The following ATP8B3 variants were observed in gnomAD, a reference collection of about 807,000 sequenced individuals.
ATP8B3 encodes the protein phospholipid-transporting ATPase IK.
A neutral mutation model predicts 140.9 loss-of-function variants in ATP8B3; 141 were observed. That is an observed-to-expected ratio of 1.00 (90% CI 0.87 to 1.15). ATP8B3 has a LOEUF of 1.15. ATP8B3 is among the 50% of genes most tolerant of loss of function. The probability of loss-of-function intolerance (pLI) is 0.00; values close to 1 mark genes in which losing one functional copy is unlikely to be tolerated. For missense variants in ATP8B3, 1,874 were observed against 1,740.6 expected (o/e 1.08, Z -1.36); for synonymous variants, 765 against 714.6 (o/e 1.07, Z -1.13).
At position 1,800,831 on chromosome 19, in the gene ATP8B3, A is replaced by AT. The variant is rs1274237034; in HGVS notation, c.1153-383dup. 7.8e-3 allele frequency among the ~76,000 whole-genome samples: 1,061 copies of AT among 136,194 alleles called. 8 individuals are homozygous for AT. The highest frequency in any genetic ancestry group is 0.02 in the African/African-American group (751 of 36,924). The allele number at this position is 136,194 out of a possible 152,430, so 89.3% of individuals were successfully genotyped here. Reference sequence around the variant, plus strand: ...AGATAGAAAAACTTTTTTTTTTTTAATTTTTTTTTTTTTTTGAGACAGAGT... The same window carrying AT: ...AGATAGAAAAACTTTTTTTTTTTTAATTTTTTTTTTTTTTTTGAGACAGAGT... On this transcript the variant is annotated intron_variant, in intron 12 of 28. Coordinates refer to ENST00000310127, the MANE Select transcript of ATP8B3 (RefSeq NM_138813.4). This position sits in a 1 kb window ranked among gnomAD's most constrained non-coding sequence, Gnocchi z 4.4.
chr19:1,792,861 G>A (rs1251659947), intron 18 of ATP8B3, among the ~76,000 whole-genome samples: 3 of 151,324 alleles, frequency 2.0e-5, no homozygotes, highest in African/African-American at 7.3e-5. Flanking sequence ...GTTGCAGTGA[G>A]CTGAGATCGC....
rs765086858 is a variant in ATP8B3 at position 1,782,095 on chromosome 19, A to G, written c.*933T>C. The G allele has an allele frequency of 7.4e-5, 13 of 174,912 alleles. No individual in the cohort carries two copies. Among genetic ancestry groups the G allele is most frequent in the Non-Finnish European group, 1.6e-4 (13 of 83,710 alleles). 10.8% of individuals were successfully genotyped at this position (174,912 alleles called of 1,614,324 possible). A position where few individuals can be genotyped will look rare whatever the true frequency, so the allele number is the denominator to read the frequency against. ...CTGAATTAGCGCTGGGGTCAGATGG[A>G]CCCTGGTTTATTAGAAAAAGAAAAG... is the stretch of plus-strand genomic sequence containing the variant. On this transcript the variant is annotated 3_prime_UTR_variant, in exon 29 of 29. Coordinates refer to ENST00000310127, the MANE Select transcript of ATP8B3 (RefSeq NM_138813.4).
Position 1,807,394 on chromosome 19 carries a change from C to G in ATP8B3, c.517-128G>C. 1.4e-6 allele frequency: 1 copy of G among 715,494 alleles called. No individual in the cohort carries two copies. Among genetic ancestry groups the G allele is most frequent in the South Asian group, 1.7e-5 (1 of 59,952 alleles). 44.3% of individuals were successfully genotyped at this position (715,494 alleles called of 1,614,324 possible). A position where few individuals can be genotyped will look rare whatever the true frequency, so the allele number is the denominator to read the frequency against. ...TCTGCTGGCCACCTTGACCGGGGTC[C>G]AGCCATCTCCTGCAACCCCCAGCCC... On this transcript the variant is annotated intron_variant, in intron 5 of 28. Coordinates refer to ENST00000310127, the MANE Select transcript of ATP8B3 (RefSeq NM_138813.4). This position sits in a 1 kb window ranked among gnomAD's most constrained non-coding sequence, Gnocchi z 5.9.
Position 1,800,248 on chromosome 19 carries a change from C to T in ATP8B3, c.1343+11G>A, listed in dbSNP as rs376154120. 30 of 1,609,272 alleles carry T rather than the reference C, an allele frequency of 1.9e-5. No individual in the cohort carries two copies. Among genetic ancestry groups the T allele is most frequent in the South Asian group, 4.4e-5 (4 of 90,982 alleles). On this transcript the variant is annotated intron_variant, in intron 13 of 28. Coordinates refer to ENST00000310127, the MANE Select transcript of ATP8B3 (RefSeq NM_138813.4). The surrounding 1 kb of genome is among the most constrained non-coding windows in gnomAD (Gnocchi z 4.4). ...GCGTTTGCACCGGGGACGCAGCCGG[C>T]GGAGACTCACAGGATGAACATGGAC...
In ATP8B3 at chr19:1,809,655, C is replaced by A. The variant is rs891344313; in HGVS notation, c.390G>T (p.Arg130Ser). 1.2e-6 allele frequency: 2 copies of A among 1,609,044 alleles called. No homozygotes were observed. Among genetic ancestry groups the A allele is most frequent in the Admixed American group, 3.4e-5 (2 of 59,442 alleles). ...AGGGGCCGCCCACCTTGTATTTCTT[C>A]CTTTGCCAGCACAGGATCACCTTCT... ...FKEKVILCWQ[R>S]KKYKTNVIRT... Residue 130 changes from arginine (R) to serine (S), a missense_variant, in exon 4 of 29, where the codon AGG becomes AGT. Physicochemically the swap from Arg to Ser is moderately radical, Grantham distance 110. Coordinates refer to ENST00000310127, the MANE Select transcript of ATP8B3 (RefSeq NM_138813.4).
At chr19:1,810,931 C>T (rs1044435201) in intron 2 of ATP8B3, among the ~76,000 whole-genome samples, 13 of 152,178 alleles carry the variant, frequency 8.5e-5, no homozygotes, top group African/African-American at 2.9e-4. Context: ...CAGTGTCCCC[C>T]GCCAGCCACC....
intron 14 of ATP8B3, among the ~76,000 whole-genome samples, chr19:1,797,275 C>T (rs1030986944): frequency 6.6e-6 from 1 of 151,782 alleles, no homozygotes. Flanking sequence ...GCGGCCCCGT[C>T]CCGTCTCCCA....
Position 1,783,278 on chromosome 19 carries a change from G to A in ATP8B3, c.3661-8C>T. ...CTCCTCCACCTTCTCCTCCTGAAGA[G>A]CAAAGGGGAGAGCAGGGGAAGCAGA... On this transcript the variant is annotated splice_region_variant and splice_polypyrimidine_tract_variant and intron_variant, in intron 28 of 28. Coordinates refer to ENST00000310127, the MANE Select transcript of ATP8B3 (RefSeq NM_138813.4). 4 of 1,604,886 alleles carry A rather than the reference G, an allele frequency of 2.5e-6. No homozygotes were observed. The highest frequency in any genetic ancestry group is 3.4e-6 in the Non-Finnish European group (4 of 1,175,728).
chr19:1,785,818 C>T, intron 25 of ATP8B3, 110 bp from the exon 26 acceptor site: 1 of 1,231,102 alleles, frequency 8.1e-7, no homozygotes, highest in Non-Finnish European at 1.1e-6. Context: ...GTGTGTGGCT[C>T]TTTGAGTTTA....
intron 14 of ATP8B3, chr19:1,798,926 T>C (rs911904957): frequency 4.6e-5 from 7 of 151,458 alleles, no homozygotes; most frequent in Admixed American, 3.9e-4. Flanking sequence ...GCGGATCGCT[T>C]AAGCCCAGGA....
At position 1,803,572 on chromosome 19, in the gene ATP8B3, CCTGT is replaced by C. The variant is rs563375287; in HGVS notation, c.905-931_905-928del. On this transcript the variant is annotated intron_variant, in intron 10 of 28. Coordinates refer to ENST00000310127, the MANE Select transcript of ATP8B3 (RefSeq NM_138813.4). ...GGAAATGCTAGAGGAAGAGCCGCTG[CCTGT>C]CTATGAGTCTGTGTCCCAGTGGTGT... Among the ~76,000 whole-genome samples, 337 of 152,302 alleles carry C rather than the reference CCTGT, an allele frequency of 2.2e-3. 2 individuals are homozygous for C. The highest frequency in any genetic ancestry group is 0.022 in the East Asian group (112 of 5,172).
rs182539405 is a variant in ATP8B3, at chr19:1,810,130, A to C, written c.311-396T>G. Among the ~76,000 whole-genome samples, 502 of 152,340 alleles carry C rather than the reference A, an allele frequency of 3.3e-3. 4 individuals carry two copies. Among genetic ancestry groups the C allele is most frequent in the African/African-American group, 0.012 (483 of 41,586 alleles). ...GATCTTTCTGGGCATGCAGCCCCCA[A>C]ATCCTGAGCCAAATCCCCCAAACCC... On this transcript the variant is annotated intron_variant, in intron 3 of 28. Transcript: ENST00000310127.
Position 1,802,568 on chromosome 19 carries a change from A to G in ATP8B3, c.982T>C (p.Ser328Pro). 2.5e-6 allele frequency: 4 copies of G among 1,610,980 alleles called. No individual in the cohort carries two copies. Among genetic ancestry groups the G allele is most frequent in the Non-Finnish European group, 2.5e-6 (3 of 1,179,452 alleles). Reference sequence around the variant, plus strand: ...AGGAGGAGGTTGCCAATGTCCAGGGAGTATTTCTTGTCATTCCATTCCAGG... The same window carrying G: ...AGGAGGAGGTTGCCAATGTCCAGGGGGTATTTCTTGTCATTCCATTCCAGG... ...GCLEWNDKKY[S>P]LDIGNLLLRG... Residue 328 changes from serine to proline, a missense_variant, in exon 11 of 29, where the codon TCC becomes CCC. Physicochemically the swap from Ser to Pro is moderately conservative, Grantham distance 74. Transcript: ENST00000310127.
Position 1,800,245 on chromosome 19 carries a change from C to T in ATP8B3, c.1343+14G>A, listed in dbSNP as rs373136388. The T allele has an allele frequency of 3.8e-5, 61 of 1,608,700 alleles. No individual in the cohort carries two copies. The Middle Eastern group carries it at 1.0e-3, about 26-fold the overall frequency. On this transcript the variant is annotated intron_variant, in intron 13 of 28. Coordinates refer to ENST00000310127, the MANE Select transcript of ATP8B3 (RefSeq NM_138813.4). The surrounding 1 kb of genome is among the most constrained non-coding windows in gnomAD (Gnocchi z 4.4). Reference sequence around the variant, plus strand: ...TCCGCGTTTGCACCGGGGACGCAGCCGGCGGAGACTCACAGGATGAACATG... The same window carrying T: ...TCCGCGTTTGCACCGGGGACGCAGCTGGCGGAGACTCACAGGATGAACATG...
At chr19:1,792,366 G>A (rs937594659) in intron 18 of ATP8B3, among the ~76,000 whole-genome samples, 2 of 151,956 alleles carry the variant, frequency 1.3e-5, no homozygotes, top group Admixed American at 6.6e-5. Context: ...GATCATTTGA[G>A]GCCAGGAGTT....
At position 1,796,158 on chromosome 19, in the gene ATP8B3, T is replaced by C. The variant is rs376230757; in HGVS notation, c.1861A>G (p.Met621Val). 4.5e-5 allele frequency: 73 copies of C among 1,612,826 alleles called. No individual in the cohort carries two copies. The highest frequency in any genetic ancestry group is 6.1e-5 in the Non-Finnish European group (72 of 1,179,872). Residue 621 changes from methionine (M) to valine (V), a missense_variant, in exon 17 of 29, where the codon ATG becomes GTG. Transcript: ENST00000310127. ...LSRTQDTVTI[M>V]ELGEERVYQV... ...TAGACCCGTTCCTCCCCCAGCTCCATGATCGTGACGGTGTCCTGGGTGCGG... is the reference window on the plus strand; with the variant it reads ...TAGACCCGTTCCTCCCCCAGCTCCACGATCGTGACGGTGTCCTGGGTGCGG...
At chr19:1,793,517 C>T (rs527302429) in intron 18 of ATP8B3, among the ~76,000 whole-genome samples, 12 of 152,326 alleles carry the variant, frequency 7.9e-5, no homozygotes, top group African/African-American at 2.9e-4. Context: ...TCAACTTTGG[C>T]TCTCTGAGCC....
intron 12 of ATP8B3, among the ~76,000 whole-genome samples, chr19:1,801,236 C>T (rs1389459346): frequency 6.6e-6 from 1 of 152,078 alleles, no homozygotes; most frequent in East Asian, 1.9e-4. Flanking sequence ...ACTGCAACCT[C>T]CACCTCTGGG....
chr19:1,802,685 G>A (rs748711220), intron 10 of ATP8B3, 40 bp from the exon 11 acceptor site: 3 of 1,583,554 alleles, frequency 1.9e-6, no homozygotes, highest in East Asian at 2.3e-5. Flanking sequence ...GTGGGCTCAG[G>A]CCCTCCTCCC....
Sources: allele counts gnomAD v4.1 joint callset (sites outside exome capture counted in the v4.1 genomes callset), GRCh38; gene constraint gnomAD v4.1.1; non-coding constraint Gnocchi (gnomAD v3.1); transcripts MANE v1.5; gene names NCBI Gene and HGNC (gene_info 2026-07-23, HGNC 2026-07-21).